Variants in UNC5D observed in about 807,000 individuals in gnomAD.
UNC5D encodes the protein unc-5 netrin receptor D, also known as netrin receptor UNC5D.
In UNC5D, 39 loss-of-function variants were observed where a neutral mutation model predicts 105.4. The ratio of observed to expected loss-of-function variants is 0.37; its 90% CI spans 0.29 to 0.48. The LOEUF (loss-of-function observed/expected upper bound fraction) is 0.48, where lower values mean the gene tolerates loss of function less well. Among genes scored for constraint, UNC5D ranks in the 20% least tolerant of loss-of-function variants. The pLI is 0.98. For synonymous variants in UNC5D, 452 were observed against 450.4 expected, an observed-to-expected ratio of 1.00 and a Z score of -0.04; for missense variants, 991 against 1,202.4, an observed-to-expected ratio of 0.82 and a Z score of 2.60.
intron 1 of UNC5D, among the ~76,000 whole-genome samples, chr8:35,364,419 T>C (rs192183894): frequency 8.5e-5 from 13 of 152,300 alleles, no homozygotes; most frequent in Admixed American, 7.8e-4. Context: ...CATCATTTTC[T>C]AAAGCACTTT....
intron 1 of UNC5D, among the ~76,000 whole-genome samples, chr8:35,428,626 C>T (rs1468163305): frequency 6.6e-6 from 1 of 152,082 alleles, no homozygotes; most frequent in East Asian, 1.9e-4. Context: ...CACACTCTCA[C>T]TTCCCCATAA....
chr8:35,380,351 C>G (rs185045414), intron 1 of UNC5D, among the ~76,000 whole-genome samples: 6 of 151,820 alleles, frequency 4.0e-5, no homozygotes, highest in Non-Finnish European at 5.9e-5. Context: ...TCTGCTAATA[C>G]CATCATATTG....
intron 4 of UNC5D, among the ~76,000 whole-genome samples, chr8:35,604,957 C>A (rs563289643): frequency 6.6e-6 from 1 of 152,082 alleles, no homozygotes; most frequent in Admixed American, 6.5e-5. Flanking sequence ...AATTTTTTTT[C>A]AAAGTTTTTA....
intron 1 of UNC5D, among the ~76,000 whole-genome samples, chr8:35,521,024 T>C (rs1813426741): frequency 6.6e-6 from 1 of 152,154 alleles, no homozygotes. Flanking sequence ...ATATTGTTCC[T>C]TTTTCACTCA....
chr8:35,425,958 C>T (rs568543961), intron 1 of UNC5D, among the ~76,000 whole-genome samples: 12 of 152,182 alleles, frequency 7.9e-5, no homozygotes, highest in African/African-American at 2.6e-4. Context: ...GATTTTTGAA[C>T]GTCCTTTTTA....
At chr8:35,385,899 C>T (rs577087691) in intron 1 of UNC5D, among the ~76,000 whole-genome samples, 6 of 152,284 alleles carry the variant, frequency 3.9e-5, no homozygotes, top group African/African-American at 1.4e-4. Context: ...TTTCTGACAT[C>T]TTAAACCATA....
intron 1 of UNC5D, among the ~76,000 whole-genome samples, chr8:35,353,026 C>A (rs1212463669): frequency 6.6e-6 from 1 of 152,058 alleles, no homozygotes; most frequent in African/African-American, 2.4e-5. Context: ...ACAAATATGG[C>A]CCTAAATGTA....
At chr8:35,692,693 GTAGT>G (rs1379536196) in intron 7 of UNC5D, among the ~76,000 whole-genome samples, 2 of 152,082 alleles carry the variant, frequency 1.3e-5, no homozygotes, top group South Asian at 2.1e-4. Context: ...TAATGATAGC[GTAGT>G]TAAACTCTCT....
chr8:35,634,893 G>A (rs1822262570), intron 4 of UNC5D, among the ~76,000 whole-genome samples: 1 of 151,948 alleles, frequency 6.6e-6, no homozygotes, highest in South Asian at 2.1e-4. Context: ...CAGCTCCTGA[G>A]TAGCTGGGAT....
intron 4 of UNC5D, among the ~76,000 whole-genome samples, chr8:35,659,074 G>A (rs2131221703): frequency 1.3e-5 from 2 of 152,270 alleles, no homozygotes; most frequent in Admixed American, 1.3e-4. Flanking sequence ...TGGCATTTCT[G>A]AGTGGCTGAG....
At chr8:35,576,108 C>T (rs1186013270) in intron 3 of UNC5D, among the ~76,000 whole-genome samples, 1 of 152,160 alleles carries the variant, frequency 6.6e-6, no homozygotes, top group East Asian at 1.9e-4. Flanking sequence ...ACATAATTTG[C>T]AGGACCCAAT....
At chr8:35,465,100 A>G (rs1021318347) in intron 1 of UNC5D, among the ~76,000 whole-genome samples, 5 of 152,208 alleles carry the variant, frequency 3.3e-5, no homozygotes, top group Non-Finnish European at 5.9e-5. Context: ...AGGTCAAATA[A>G]TATTTCTTGG....
At chr8:35,388,393 G>A (rs1025164499) in intron 1 of UNC5D, among the ~76,000 whole-genome samples, 1 of 151,906 alleles carries the variant, frequency 6.6e-6, no homozygotes, top group African/African-American at 2.4e-5. Flanking sequence ...AAAAAAGGAA[G>A]TCTCTTAACC....
chr8:35,344,246 G>A (rs902580897), intron 1 of UNC5D, among the ~76,000 whole-genome samples: 5 of 152,032 alleles, frequency 3.3e-5, no homozygotes, highest in African/African-American at 9.7e-5. Context: ...AGTAAGATGC[G>A]ACTGTACACA....
chr8:35,431,843 A>T (rs2128975861), intron 1 of UNC5D, among the ~76,000 whole-genome samples: 1 of 152,272 alleles, frequency 6.6e-6, no homozygotes, highest in Admixed American at 6.5e-5. Flanking sequence ...AAAGTAATTT[A>T]TGAATTCGGA....
rs769641429 is a variant in UNC5D at position 35,488,168 on chromosome 8, G to A, written c.104-61124G>A. 4.6e-5 allele frequency among the ~76,000 whole-genome samples: 7 copies of A among 152,154 alleles called. No homozygotes were observed. The South Asian group carries it at 6.2e-4, about 14-fold the overall frequency. ...ATACCAAAGGTGGTGCTGAGCAACC[G>A]TTTGCTAAAGAGATTGTGGGTGTAA... On this transcript the variant is annotated intron_variant, in intron 1 of 16. Coordinates refer to ENST00000404895, the MANE Select transcript of UNC5D (RefSeq NM_080872.4).
At chr8:35,568,278 A>G (rs368353804) in intron 3 of UNC5D, 37 bp downstream of exon 3, 2 of 1,607,134 alleles carry the variant, frequency 1.2e-6, no homozygotes, top group East Asian at 4.5e-5. Flanking sequence ...TTGTAGGACC[A>G]CAAATGAGAG....
intron 11 of UNC5D, among the ~76,000 whole-genome samples, chr8:35,740,894 G>GAAAT (rs763901736): frequency 6.6e-6 from 1 of 152,144 alleles, no homozygotes; most frequent in East Asian, 1.9e-4. Context: ...AGGATTCTGT[G>GAAAT]AAATAGGTTT....
At chr8:35,557,365 A>G (rs1816628680) in intron 2 of UNC5D, among the ~76,000 whole-genome samples, 2 of 152,176 alleles carry the variant, frequency 1.3e-5, no homozygotes, top group South Asian at 4.1e-4. Flanking sequence ...ACAAAAGACT[A>G]TTCATTAGGC....
Sources: gnomAD v4.1 joint callset for allele counts (sites outside exome capture counted in the v4.1 genomes callset) on GRCh38, gnomAD v4.1.1 for gene constraint, MANE v1.5 for transcripts, NCBI Gene and HGNC (gene_info 2026-07-23, HGNC 2026-07-21) for gene names.